ITGAE: variants seen among roughly 807,000 people sequenced by gnomAD.
The protein encoded by ITGAE is integrin alpha-E.
A neutral mutation model predicts 136.5 loss-of-function variants in ITGAE; 99 were observed. The ratio of observed to expected loss-of-function variants is 0.73; its 90% confidence interval spans 0.62 to 0.86. The LOEUF is 0.86. ITGAE is among the 40% of genes least tolerant of loss of function. The probability of loss-of-function intolerance (pLI) is 0.00; values close to 1 mark genes in which losing one functional copy is unlikely to be tolerated. For synonymous variants in ITGAE, 613 were observed against 591.8 expected, an observed-to-expected ratio of 1.04 and a Z score of -0.52; for missense variants, 1,447 against 1,515.3, an observed-to-expected ratio of 0.95 and a Z score of 0.75.
intron 19 of ITGAE, among the ~76,000 whole-genome samples, chr17:3,740,124 G>A (rs2051549783): frequency 1.3e-5 from 2 of 152,216 alleles, no homozygotes; most frequent in Admixed American, 6.5e-5. Context: ...CTTTGACCAA[G>A]GTAAAAACTG....
chr17:3,778,770 C>T (rs1388896385), intron 1 of ITGAE, among the ~76,000 whole-genome samples: 2 of 152,150 alleles, frequency 1.3e-5, no homozygotes, highest in Admixed American at 6.6e-5. Flanking sequence ...TGGTACTGGA[C>T]TAATTCTTTC....
In ITGAE at chr17:3,727,929, G is replaced by C; in HGVS notation, c.3074C>G (p.Thr1025Arg). 1 of 1,609,770 alleles carries C rather than the reference G, an allele frequency of 6.2e-7. No individual in the cohort carries two copies. The highest frequency in any genetic ancestry group is 8.5e-7 in the Non-Finnish European group (1 of 1,176,060). The change falls in exon 26 of 31, where the codon ACG becomes AGG. Residue 1025 changes from threonine (T) to arginine (R), a missense_variant. By Grantham distance (71) the Thr-to-Arg change is moderately conservative. This residue lies in a region of ITGAE where 1,031 missense variants were observed against 1,011.4 expected (regional missense o/e 1.02). Transcript: ENST00000263087. ...GLQVVAVKKL[T>R]RTQASTVCTW... ...ACTGCCTTTAAATACCTGAGTCCTC[G>C]TCAGCTTCTTCACTGCTACAACCTG...
chr17:3,741,147 C>G (rs527434083), intron 19 of ITGAE, among the ~76,000 whole-genome samples: 66 of 147,782 alleles, frequency 4.5e-4, no homozygotes, highest in Admixed American at 4.1e-4. Context: ...GCGCAATCTC[C>G]GCTCACTGCA....
intron 1 of ITGAE, among the ~76,000 whole-genome samples, chr17:3,800,752 G>A (rs2053236763): frequency 6.6e-6 from 1 of 152,178 alleles, no homozygotes; most frequent in Non-Finnish European, 1.5e-5. Flanking sequence ...CTGCCAGGCG[G>A]AGCCTCCACA....
At chr17:3,755,746 T>G in intron 11 of ITGAE, 84 bp downstream of exon 11, 1 of 1,150,672 alleles carries the variant, frequency 8.7e-7, no homozygotes. Context: ...GAGCCCTGGA[T>G]GGGAGGCAGG....
At chr17:3,791,933 A>G (rs1378845871) in intron 1 of ITGAE, among the ~76,000 whole-genome samples, 4 of 152,164 alleles carry the variant, frequency 2.6e-5, no homozygotes, top group Non-Finnish European at 4.4e-5. Flanking sequence ...TGGCTTTGTT[A>G]TAGTTATCTC....
chr17:3,778,967 A>T lies in ITGAE; in HGVS notation c.35-1307T>A, dbSNP rs564517163. 1.1e-4 allele frequency among the ~76,000 whole-genome samples: 16 copies of T among 152,140 alleles called. 1 individual carries two copies. The highest frequency in any genetic ancestry group is 7.2e-4 in the Admixed American group (11 of 15,264). ...GGGAAAGGGAATTCAAACAGAGCAC[A>T]GCAGATTTGTTAAGCTAAGGCAATA... On this transcript the variant is annotated intron_variant, in intron 1 of 30. Coordinates refer to ENST00000263087, the MANE Select transcript of ITGAE (RefSeq NM_002208.5).
intron 21 of ITGAE, among the ~76,000 whole-genome samples, chr17:3,734,469 G>T (rs777069093): frequency 6.6e-6 from 1 of 152,212 alleles, no homozygotes; most frequent in Non-Finnish European, 1.5e-5. Flanking sequence ...CTGTTTCCTA[G>T]TATCTGTGTC....
intron 2 of ITGAE, among the ~76,000 whole-genome samples, chr17:3,764,826 C>T (rs908130330): frequency 6.6e-6 from 1 of 152,166 alleles, no homozygotes; most frequent in Non-Finnish European, 1.5e-5. Flanking sequence ...TCCAGGGAGA[C>T]GGCAGATTCC....
intron 7 of ITGAE, 55 bp from the exon 8 acceptor site, chr17:3,759,608 T>G: frequency 6.3e-7 from 1 of 1,578,398 alleles, no homozygotes; most frequent in Non-Finnish European, 8.7e-7. Context: ...CCTCTGCCCC[T>G]GAAATGTCTC....
In ITGAE at chr17:3,750,210, G is replaced by A. The variant is rs2043453824; in HGVS notation, c.2024+142C>T. 9 of 1,209,602 alleles carry A rather than the reference G, an allele frequency of 7.4e-6. 1 individual carries two copies. The highest frequency in any genetic ancestry group is 1.5e-5 in the African/African-American group (1 of 65,846). 74.9% of individuals were successfully genotyped at this position (1,209,602 alleles called of 1,614,324 possible). A position where few individuals can be genotyped will look rare whatever the true frequency, so the allele number is the denominator to read the frequency against. Reference sequence around the variant, plus strand: ...GGCTGAGAGCTGAGGTTCAAACCCAGACGGGCAGACTCCAGAGCCTGTGCC... The same window carrying A: ...GGCTGAGAGCTGAGGTTCAAACCCAAACGGGCAGACTCCAGAGCCTGTGCC... On this transcript the variant is annotated intron_variant, in intron 16 of 30. Transcript: ENST00000263087.
At chr17:3,785,538 GGAA>G (rs1174707698) in intron 1 of ITGAE, among the ~76,000 whole-genome samples, 1 of 147,830 alleles carries the variant, frequency 6.8e-6, no homozygotes, top group Non-Finnish European at 1.5e-5. Flanking sequence ...AAGGAAGGAA[GGAA>G]GGAAGGAAGG....
intron 29 of ITGAE, among the ~76,000 whole-genome samples, chr17:3,719,503 G>C (rs2472023): frequency 0.14 from 20,702 of 151,992 alleles, 4,719 homozygotes; most frequent in African/African-American, 0.47. Flanking sequence ...TGAAAACACA[G>C]GGTAACACAC....
intron 19 of ITGAE, among the ~76,000 whole-genome samples, chr17:3,741,626 A>G (rs1375747853): frequency 6.6e-6 from 1 of 152,204 alleles, no homozygotes; most frequent in Non-Finnish European, 1.5e-5. Flanking sequence ...AAGAGATGTT[A>G]AGCAGGATAC....
At chr17:3,741,070 ATTTTTT>A (rs58434003) in intron 19 of ITGAE, among the ~76,000 whole-genome samples, 5 of 76,784 alleles carry the variant, frequency 6.5e-5, no homozygotes, top group East Asian at 3.9e-4. Context: ...TTTTTGTTGT[ATTTTTT>A]TTTTTTTTTT....
rs2053196700 is a variant in ITGAE, at chr17:3,799,413, C to T, written c.34+1698G>A. 6.6e-6 allele frequency among the ~76,000 whole-genome samples: 1 copy of T among 152,156 alleles called. No homozygotes were observed. Among genetic ancestry groups the T allele is most frequent in the Non-Finnish European group, 1.5e-5 (1 of 68,040 alleles). ...CCATCAGCTTGGGAAGGGCCTAGGC[C>T]TCAAAAGAGGTTTGATCGATGCCAC... is the stretch of plus-strand genomic sequence containing the variant. On this transcript the variant is annotated intron_variant, in intron 1 of 30. Transcript: ENST00000263087. The surrounding 1 kb of genome is among the most constrained non-coding windows in gnomAD (Gnocchi z 4.1).
In ITGAE at chr17:3,720,362, A is replaced by T. The variant is rs1045154159; in HGVS notation, c.3278T>A (p.Ile1093Lys). The change falls in exon 29 of 31, where the codon ATA (isoleucine) becomes AAA (lysine). Residue 1093 changes from isoleucine (I) to lysine (K), a missense_variant. Transcript: ENST00000263087. ...CTCATATAGAGATTTGTTGAAAGATATTTCACCAAGGATCTGCAGTTCAGT... is the reference window on the plus strand; with the variant it reads ...CTCATATAGAGATTTGTTGAAAGATTTTTCACCAAGGATCTGCAGTTCAGT... ...DVTELQILGE[I>K]SFNKSLYEGL... is the part of the protein sequence containing the mutation. The T allele has an allele frequency of 6.3e-7, 1 of 1,586,178 alleles. No individual in the cohort carries two copies. Among genetic ancestry groups the T allele is most frequent in the Non-Finnish European group, 8.7e-7 (1 of 1,154,570 alleles).
intron 2 of ITGAE, among the ~76,000 whole-genome samples, chr17:3,768,685 GC>G (rs1353243748): frequency 2.0e-5 from 3 of 152,118 alleles, no homozygotes; most frequent in Admixed American, 6.6e-5. Flanking sequence ...TCTCTACCCA[GC>G]CGTGCCTCAC....
At chr17:3,748,563 G>A (rs1227650198) in intron 16 of ITGAE, among the ~76,000 whole-genome samples, 2 of 152,120 alleles carry the variant, frequency 1.3e-5, no homozygotes, top group Middle Eastern at 3.2e-3. Flanking sequence ...CTCCAGCCTG[G>A]GTGACAGAGC....
Sources: allele counts gnomAD v4.1 joint callset (sites outside exome capture counted in the v4.1 genomes callset), GRCh38; gene constraint gnomAD v4.1.1; regional missense constraint gnomAD v4.1.1; non-coding constraint Gnocchi (gnomAD v3.1); transcripts MANE v1.5; gene names NCBI Gene and HGNC (gene_info 2026-07-23, HGNC 2026-07-21).